The following CDH8 variants were observed in gnomAD, a reference collection of about 807,000 sequenced individuals.
CDH8 encodes the protein cadherin-8.
CDH8 carries 17 observed loss-of-function variants against 68.1 expected under a neutral mutation model. The ratio of observed to expected loss-of-function variants is 0.25; its 90% CI spans 0.17 to 0.37. CDH8 has a LOEUF of 0.37. Among genes scored for constraint, CDH8 ranks in the 10% least tolerant of loss-of-function variants. The probability of loss-of-function intolerance (pLI) is 1.00; values close to 1 mark genes in which losing one functional copy is unlikely to be tolerated. For missense variants in CDH8, 763 were observed against 999.3 expected, an observed-to-expected ratio of 0.76 and a Z score of 3.19; for synonymous variants, 372 against 365.1, an observed-to-expected ratio of 1.02 and a Z score of -0.21.
chr16:61,983,938 G>T (rs1965582569), intron 2 of CDH8, among the ~76,000 whole-genome samples: 1 of 141,710 alleles, frequency 7.1e-6, no homozygotes, highest in African/African-American at 2.8e-5. Flanking sequence ...ATTTTTTCGA[G>T]ACGGAATCTC....
chr16:61,703,931 C>T (rs1356472360), intron 10 of CDH8, among the ~76,000 whole-genome samples: 1 of 152,078 alleles, frequency 6.6e-6, no homozygotes, highest in African/African-American at 2.4e-5. Flanking sequence ...TTGTGTGTGT[C>T]TGTGTGTGTA....
intron 3 of CDH8, among the ~76,000 whole-genome samples, chr16:61,868,930 T>C (rs1963305747): frequency 1.3e-5 from 2 of 152,066 alleles, no homozygotes; most frequent in South Asian, 4.1e-4. Context: ...GCTTTCAAAT[T>C]GGGAGGATGA....
At chr16:61,815,011 A>G (rs1003146195) in intron 7 of CDH8, among the ~76,000 whole-genome samples, 1 of 152,142 alleles carries the variant, frequency 6.6e-6, no homozygotes, top group Non-Finnish European at 1.5e-5. Context: ...CTTCTGAATG[A>G]CATGCCAAAG....
intron 10 of CDH8, among the ~76,000 whole-genome samples, chr16:61,674,951 A>C (rs547880241): frequency 6.6e-6 from 1 of 151,762 alleles, no homozygotes; most frequent in Non-Finnish European, 1.5e-5. Flanking sequence ...AAGCAAAAAA[A>C]AAAAAACAAA....
At chr16:61,675,635 A>T (rs1429617178) in intron 10 of CDH8, among the ~76,000 whole-genome samples, 1 of 113,856 alleles carries the variant, frequency 8.8e-6, no homozygotes. Flanking sequence ...AATAAAAAAA[A>T]ATAAAAATAG....
chr16:61,947,857 C>T (rs997854219), intron 2 of CDH8, among the ~76,000 whole-genome samples: 15 of 151,984 alleles, frequency 9.9e-5, no homozygotes, highest in Admixed American at 5.9e-4. Flanking sequence ...AGGGATGGCT[C>T]GAGAAAATGA....
intron 8 of CDH8, among the ~76,000 whole-genome samples, chr16:61,761,884 C>T (rs886469635): frequency 1.3e-5 from 2 of 152,092 alleles, no homozygotes; most frequent in Non-Finnish European, 2.9e-5. Context: ...CTTGTAGTCT[C>T]AGCTACTCGG....
intron 8 of CDH8, among the ~76,000 whole-genome samples, chr16:61,745,646 T>G (rs1960003815): frequency 6.6e-6 from 1 of 151,592 alleles, no homozygotes; most frequent in South Asian, 2.1e-4. Flanking sequence ...CTGTTTCAGT[T>G]GATTATATTG....
At chr16:61,973,121 G>A (rs570386291) in intron 2 of CDH8, among the ~76,000 whole-genome samples, 9 of 152,108 alleles carry the variant, frequency 5.9e-5, no homozygotes, top group East Asian at 1.9e-4. Context: ...TTCACCCACC[G>A]AGTGTAACTC....
chr16:61,677,045 C>A (rs1232546970), intron 10 of CDH8, among the ~76,000 whole-genome samples: 1 of 151,888 alleles, frequency 6.6e-6, no homozygotes, highest in Non-Finnish European at 1.5e-5. Flanking sequence ...TTTTTATAAA[C>A]CTTCCAATGT....
chr16:61,765,195 G>A (rs1361947703), intron 8 of CDH8, among the ~76,000 whole-genome samples: 1 of 151,942 alleles, frequency 6.6e-6, no homozygotes, highest in Non-Finnish European at 1.5e-5. Context: ...TTTAAATTAA[G>A]TGCATAAATC....
intron 2 of CDH8, among the ~76,000 whole-genome samples, chr16:62,002,567 T>A (rs1364783102): frequency 6.6e-6 from 1 of 152,262 alleles, no homozygotes. Context: ...TTAGCATTAT[T>A]GATGGTAATC....
chr16:61,862,721 C>T (rs1432340261), intron 3 of CDH8, among the ~76,000 whole-genome samples: 1 of 152,082 alleles, frequency 6.6e-6, no homozygotes, highest in Non-Finnish European at 1.5e-5. Flanking sequence ...GAAAAGATTG[C>T]TAGTCAAGCA....
chr16:61,771,626 T>A (rs2142986348), intron 8 of CDH8, among the ~76,000 whole-genome samples: 1 of 151,842 alleles, frequency 6.6e-6, no homozygotes, highest in Admixed American at 6.6e-5. Flanking sequence ...ACAATCTAAC[T>A]GAAAGAACAG....
chr16:61,786,876 T>C (rs1159401352), intron 8 of CDH8, among the ~76,000 whole-genome samples: 1 of 37,952 alleles, frequency 2.6e-5, no homozygotes, highest in African/African-American at 1.2e-4. Flanking sequence ...CTGGGAAAAC[T>C]GGCTAGCCAT....
At chr16:61,833,976 T>G (rs72798745) in intron 4 of CDH8, among the ~76,000 whole-genome samples, 16 of 151,934 alleles carry the variant, frequency 1.1e-4, no homozygotes, top group African/African-American at 3.9e-4. Context: ...GTAATGGGTA[T>G]GAAAGCCATG....
chr16:61,934,667 T>G (rs558887711), intron 2 of CDH8, among the ~76,000 whole-genome samples: 1 of 152,310 alleles, frequency 6.6e-6, no homozygotes, highest in African/African-American at 2.4e-5. Flanking sequence ...ACAATGACTC[T>G]TTCCCTGCCC....
chr16:61,737,971 C>T (rs906156681), intron 8 of CDH8, among the ~76,000 whole-genome samples: 1 of 152,048 alleles, frequency 6.6e-6, no homozygotes, highest in African/African-American at 2.4e-5. Context: ...CCTTGAAATC[C>T]CAGTCATATC....
intron 8 of CDH8, among the ~76,000 whole-genome samples, chr16:61,782,627 C>CT (rs1961105588): frequency 6.6e-6 from 1 of 151,638 alleles, no homozygotes; most frequent in Non-Finnish European, 1.5e-5. Flanking sequence ...GGCTCCACCT[C>CT]TGGGGGCAGG....
Sources: gnomAD v4.1 joint callset for allele counts (sites outside exome capture counted in the v4.1 genomes callset) on GRCh38, gnomAD v4.1.1 for gene constraint, MANE v1.5 for transcripts, NCBI Gene and HGNC (gene_info 2026-07-23, HGNC 2026-07-21) for gene names.